Variants in CCSER1 observed in about 807,000 individuals in gnomAD.
The protein encoded by CCSER1 is coiled-coil serine rich protein 1.
CCSER1 carries 41 observed loss-of-function variants against 82.0 expected under a neutral mutation model. The observed-to-expected ratio is 0.50, with a 90% CI of 0.39 to 0.65. The LOEUF (loss-of-function observed/expected upper bound fraction) is 0.65. Ranked by LOEUF, CCSER1 falls within the 30% of genes least tolerant of loss-of-function variation. The probability of loss-of-function intolerance (pLI) is 0.00; values close to 1 mark genes in which losing one functional copy is unlikely to be tolerated. For synonymous variants in CCSER1, 414 were observed against 383.9 expected (o/e 1.08, Z -0.92); for missense variants, 1,119 against 1,064.2 (o/e 1.05, Z -0.72).
At chr4:91,299,710 A>G (rs1369157073) in intron 10 of CCSER1, among the ~76,000 whole-genome samples, 3 of 151,954 alleles carry the variant, frequency 2.0e-5, no homozygotes, top group African/African-American at 4.8e-5. Flanking sequence ...TGCATGTGCA[A>G]AATTGACAAA....
At chr4:91,312,506 T>C (rs1360419143) in intron 10 of CCSER1, among the ~76,000 whole-genome samples, 1 of 151,798 alleles carries the variant, frequency 6.6e-6, no homozygotes, top group Non-Finnish European at 1.5e-5. Flanking sequence ...TCATGAAACA[T>C]ACCAACCAGT....
rs1730139461 is a variant in CCSER1 at position 90,932,954 on chromosome 4, GAAAGAAAGAAAGAAAGAAAGA to G, written c.2172+9510_2172+9530del. On this transcript the variant is annotated intron_variant, in intron 9 of 10. Transcript: ENST00000509176. ...AGAAAGAAAGAAAGAAAGAAAGAAAGAAAGAAAGAAAGAAAGAAAGAAAGAAAGAGAAAGAAAGAAAGAAAG... is the reference window on the plus strand; with the variant it reads ...AGAAAGAAAGAAAGAAAGAAAGAAAGAAGAAAGAGAAAGAAAGAAAGAAAG... 6.1e-5 allele frequency among the ~76,000 whole-genome samples: 2 copies of G among 32,592 alleles called. 1 individual carries two copies. The highest frequency in any genetic ancestry group is 4.7e-4 in the African/African-American group (2 of 4,292). 21.4% of individuals were successfully genotyped at this position (32,592 alleles called of 152,430 possible).
At chr4:90,228,428 A>G (rs2153425619) in intron 1 of CCSER1, among the ~76,000 whole-genome samples, 1 of 152,324 alleles carries the variant, frequency 6.6e-6, no homozygotes, top group Admixed American at 6.5e-5. Context: ...AGATAGAAGG[A>G]AAACTAAAAC....
chr4:90,268,137 A>G (rs544004165), intron 1 of CCSER1, among the ~76,000 whole-genome samples: 1 of 152,366 alleles, frequency 6.6e-6, no homozygotes, highest in East Asian at 1.9e-4. Context: ...GATCTGTTGT[A>G]CAAGAAATGC....
At chr4:91,283,358 C>A (rs1298411375) in intron 10 of CCSER1, among the ~76,000 whole-genome samples, 3 of 151,998 alleles carry the variant, frequency 2.0e-5, no homozygotes, top group Non-Finnish European at 4.4e-5. Flanking sequence ...TTATTGAAGT[C>A]TTCATCTTTC....
intron 10 of CCSER1, among the ~76,000 whole-genome samples, chr4:91,105,253 C>G (rs1317212865): frequency 6.6e-6 from 1 of 151,570 alleles, no homozygotes; most frequent in Non-Finnish European, 1.5e-5. Context: ...TAGGGGAGGA[C>G]ATAACATACA....
chr4:91,467,097 T>C (rs1446892000), intron 10 of CCSER1, among the ~76,000 whole-genome samples: 1 of 152,132 alleles, frequency 6.6e-6, no homozygotes, highest in African/African-American at 2.4e-5. Flanking sequence ...GCTACCTGAC[T>C]TCAAACTATA....
intron 10 of CCSER1, among the ~76,000 whole-genome samples, chr4:91,406,226 C>T (rs1246742360): frequency 6.6e-6 from 1 of 152,132 alleles, no homozygotes; most frequent in Admixed American, 6.5e-5. Flanking sequence ...CATGAAATTG[C>T]ATAATAGACT....
intron 5 of CCSER1, among the ~76,000 whole-genome samples, chr4:90,598,662 AAATTTTTCTGCTGTTG>A (rs1368731201): frequency 6.6e-6 from 1 of 152,024 alleles, no homozygotes; most frequent in Non-Finnish European, 1.5e-5. Context: ...TGGATTTTTA[AAATTTTTCTGCTGTTG>A]AATTTTAAGA....
chr4:91,259,326 G>T (rs1213655044), intron 10 of CCSER1, among the ~76,000 whole-genome samples: 2 of 152,118 alleles, frequency 1.3e-5, no homozygotes, highest in East Asian at 3.9e-4. Flanking sequence ...ATGCATATTT[G>T]TTCTCAAAGC....
intron 6 of CCSER1, among the ~76,000 whole-genome samples, chr4:90,653,024 C>G (rs953974735): frequency 7.2e-5 from 11 of 151,958 alleles, no homozygotes; most frequent in Non-Finnish European, 1.5e-4. Flanking sequence ...GGGGGCCAAG[C>G]CTATGGCTCC....
chr4:90,664,345 C>T (rs1251286443), intron 6 of CCSER1, among the ~76,000 whole-genome samples: 1 of 152,076 alleles, frequency 6.6e-6, no homozygotes, highest in Non-Finnish European at 1.5e-5. Context: ...AACTTTCAAT[C>T]ATAGATTAAA....
intron 10 of CCSER1, among the ~76,000 whole-genome samples, chr4:91,273,691 A>G (rs965007529): frequency 6.6e-6 from 1 of 152,118 alleles, no homozygotes; most frequent in African/African-American, 2.4e-5. Context: ...CAGCTCTCAG[A>G]TGGAGTGCTT....
chr4:90,988,410 G>C (rs1256032974), intron 9 of CCSER1, among the ~76,000 whole-genome samples: 1 of 143,192 alleles, frequency 7.0e-6, no homozygotes, highest in Non-Finnish European at 1.5e-5. Context: ...CATTTTTTTT[G>C]GTTCATATAA....
intron 1 of CCSER1, among the ~76,000 whole-genome samples, chr4:90,186,820 T>C (rs919207273): frequency 1.3e-5 from 2 of 151,966 alleles, no homozygotes; most frequent in South Asian, 4.1e-4. Context: ...ACTGTCACTT[T>C]GCTGCCTGTG....
chr4:90,176,108 T>C (rs1326034103), intron 1 of CCSER1, among the ~76,000 whole-genome samples: 1 of 151,950 alleles, frequency 6.6e-6, no homozygotes, highest in African/African-American at 2.4e-5. Flanking sequence ...TGGGAACTTT[T>C]AAATGACAGG....
chr4:90,857,840 A>G (rs1421777482), intron 8 of CCSER1, among the ~76,000 whole-genome samples: 1 of 152,074 alleles, frequency 6.6e-6, no homozygotes, highest in Admixed American at 6.6e-5. Flanking sequence ...AGTTAATAAT[A>G]GTGTATTGTA....
intron 7 of CCSER1, among the ~76,000 whole-genome samples, chr4:90,760,036 T>C (rs752407492): frequency 6.6e-6 from 1 of 151,988 alleles, no homozygotes; most frequent in Non-Finnish European, 1.5e-5. Flanking sequence ...TTTATGGATT[T>C]CTTTAGGAAT....
chr4:90,141,945 T>C (rs2153338077), intron 1 of CCSER1, among the ~76,000 whole-genome samples: 1 of 152,366 alleles, frequency 6.6e-6, no homozygotes, highest in East Asian at 1.9e-4. Context: ...ACTCGACCTT[T>C]GCAAAGGTGA....
Sources: allele counts gnomAD v4.1 joint callset (sites outside exome capture counted in the v4.1 genomes callset), GRCh38; gene constraint gnomAD v4.1.1; transcripts MANE v1.5; gene names NCBI Gene and HGNC (gene_info 2026-07-23, HGNC 2026-07-21).